Variants in OR2V1 observed in about 807,000 individuals in gnomAD.
The protein encoded by OR2V1 is olfactory receptor 2V1.
Under a neutral mutation model 15.0 loss-of-function variants are expected in OR2V1, and 18 were observed. That is an observed-to-expected ratio of 1.20 (90% CI 0.83 to 1.78). OR2V1 has a LOEUF of 1.78. OR2V1 is among the 40% of genes most tolerant of loss of function. OR2V1 has a pLI of 0.00. For synonymous variants in OR2V1, 144 were observed against 146.1 expected (o/e 0.99, Z 0.10); for missense variants, 359 against 392.9 (o/e 0.91, Z 0.73).
In OR2V1 at chr5:181,130,308, C is replaced by G; in HGVS notation, c.-120-93G>C. 7.5e-6 allele frequency: 3 copies of G among 399,126 alleles called. No individual in the cohort carries two copies. The East Asian group carries it at 1.1e-4, about 14-fold the overall frequency. 24.7% of individuals were successfully genotyped at this position (399,126 alleles called of 1,614,324 possible). On this transcript the variant is annotated intron_variant, in intron 1 of 3. Coordinates refer to ENST00000641551, the MANE Select transcript of OR2V1 (RefSeq NM_001258283.2). ...GGACAGGAGGAGCCGCAGCCCCAAC[C>G]TCCTTCCTCAGCCCGCACCGACTAC...
At chr5:181,128,846 G>T (rs1228392299) in intron 3 of OR2V1, among the ~76,000 whole-genome samples, 1 of 152,228 alleles carries the variant, frequency 6.6e-6, no homozygotes, top group Admixed American at 6.5e-5. Context: ...GTTCCCCGGT[G>T]CCACGGGTGC....
Position 181,124,096 on chromosome 5 carries a change from A to G in OR2V1, c.*261T>C, listed in dbSNP as rs767186639. 6.0e-5 allele frequency: 22 copies of G among 365,386 alleles called. No homozygotes were observed. Among genetic ancestry groups the G allele is most frequent in the Non-Finnish European group, 1.1e-4 (22 of 205,900 alleles). 22.6% of individuals were successfully genotyped at this position (365,386 alleles called of 1,614,324 possible). ...AACAATCAACAATGACAATAATAGC[A>G]GCCGTTGCTTCTTCATGGAGCTTTA... On this transcript the variant is annotated 3_prime_UTR_variant, in exon 4 of 4. Transcript: ENST00000641551.
chr5:181,127,911 C>G (rs968734981), intron 3 of OR2V1, among the ~76,000 whole-genome samples: 7 of 151,968 alleles, frequency 4.6e-5, no homozygotes, highest in African/African-American at 1.7e-4. Context: ...GTCCCACTCC[C>G]CCCTCCCCCA....
intron 2 of OR2V1, among the ~76,000 whole-genome samples, chr5:181,129,818 C>G (rs139674171): frequency 6.6e-6 from 1 of 152,316 alleles, no homozygotes; most frequent in Non-Finnish European, 1.5e-5. Flanking sequence ...CCTTCGCACT[C>G]CCCACACATC....
chr5:181,124,340 G>T lies in OR2V1; in HGVS notation c.*17C>A. On this transcript the variant is annotated 3_prime_UTR_variant, in exon 4 of 4. Coordinates refer to ENST00000641551, the MANE Select transcript of OR2V1 (RefSeq NM_001258283.2). ...ACACAGGCAAGAAGGGGCACAGCAG[G>T]CACCAGACTCTGGGGTTCAGTGCTG... is the stretch of plus-strand genomic sequence containing the variant. The T allele has an allele frequency of 6.5e-7, 1 of 1,533,356 alleles. No homozygotes were observed. The highest frequency in any genetic ancestry group is 8.8e-7 in the Non-Finnish European group (1 of 1,140,432). 95.0% of individuals were successfully genotyped at this position (1,533,356 alleles called of 1,614,324 possible).
At chr5:181,130,889 C>T (rs1319054826) in intron 1 of OR2V1, among the ~76,000 whole-genome samples, 161 bp downstream of exon 1, 2 of 152,216 alleles carry the variant, frequency 1.3e-5, no homozygotes, top group East Asian at 3.9e-4. Flanking sequence ...CATGTCACAG[C>T]TGTCCCTTGG....
rs1464831045 is a variant in OR2V1 at position 181,129,535 on chromosome 5, C to T, written c.-37G>A. ...CCAGCCTTACCACCATGTTCAGAGG[C>T]ACCAGCCACTTGTGCCTCTCAGGAC... On this transcript the variant is annotated 5_prime_UTR_variant, in exon 3 of 4. Coordinates refer to ENST00000641551, the MANE Select transcript of OR2V1 (RefSeq NM_001258283.2). 2.0e-5 allele frequency: 3 copies of T among 152,098 alleles called. No homozygotes were observed. Among genetic ancestry groups the T allele is most frequent in the Non-Finnish European group, 4.4e-5 (3 of 68,032 alleles). 9.4% of individuals were successfully genotyped at this position (152,098 alleles called of 1,614,324 possible).
chr5:181,127,247 G>A (rs1354653626), intron 3 of OR2V1, among the ~76,000 whole-genome samples: 1 of 152,212 alleles, frequency 6.6e-6, no homozygotes, highest in African/African-American at 2.4e-5. Flanking sequence ...CCCAGACATG[G>A]TGACTGAACA....
At chr5:181,126,006 G>A (rs781159960) in intron 3 of OR2V1, among the ~76,000 whole-genome samples, 4 of 152,064 alleles carry the variant, frequency 2.6e-5, no homozygotes, top group Non-Finnish European at 4.4e-5. Context: ...AGAAAAAAAA[G>A]GAAAGATCAT....
chr5:181,125,402 T>G (rs1440281902), intron 3 of OR2V1, 77 bp from the exon 4 acceptor site: 5 of 1,098,856 alleles, frequency 4.6e-6, no homozygotes, highest in Non-Finnish European at 6.5e-6. Context: ...CAACAGCGTA[T>G]GCTCTGAGAG....
At position 181,123,395 on chromosome 5, in the gene OR2V1, G is replaced by A. The variant is rs1327527058; in HGVS notation, c.*962C>T. The A allele has an allele frequency of 6.5e-6, 1 of 153,784 alleles. No individual in the cohort carries two copies. The highest frequency in any genetic ancestry group is 1.5e-5 in the Non-Finnish European group (1 of 68,790). 9.5% of individuals were successfully genotyped at this position (153,784 alleles called of 1,614,324 possible). ...GGTTTTATACATTTTAGGGAGACAT[G>A]AGACATCAATCAATGTATGTAAGAA... is the stretch of plus-strand genomic sequence containing the variant. On this transcript the variant is annotated 3_prime_UTR_variant, in exon 4 of 4. Transcript: ENST00000641551.
In OR2V1 at chr5:181,123,958, AAGAC is replaced by A. The variant is rs1383079569; in HGVS notation, c.*395_*398del. On this transcript the variant is annotated 3_prime_UTR_variant, in exon 4 of 4. Coordinates refer to ENST00000641551, the MANE Select transcript of OR2V1 (RefSeq NM_001258283.2). ...CTAGAACTTAGTAAGCATCCAATAA[AAGAC>A]AGCTATTACCAAGAAGAATTAAGAA... 5.7e-5 allele frequency: 9 copies of A among 158,014 alleles called. No homozygotes were observed. The highest frequency in any genetic ancestry group is 1.9e-4 in the African/African-American group (8 of 41,704). 9.8% of individuals were successfully genotyped at this position (158,014 alleles called of 1,614,324 possible). A position where few individuals can be genotyped will look rare whatever the true frequency, so the allele number is the denominator to read the frequency against.
At chr5:181,128,501 C>G (rs1312816663) in intron 3 of OR2V1, among the ~76,000 whole-genome samples, 2 of 152,238 alleles carry the variant, frequency 1.3e-5, no homozygotes, top group Non-Finnish European at 2.9e-5. Flanking sequence ...CACCACCACC[C>G]ACGCCTTTCC....
chr5:181,128,463 G>T (rs1762914864), intron 3 of OR2V1, among the ~76,000 whole-genome samples: 1 of 152,166 alleles, frequency 6.6e-6, no homozygotes, highest in Non-Finnish European at 1.5e-5. Flanking sequence ...TACTTCCAGA[G>T]GAAATGCAAG....
chr5:181,124,671 A>C lies in OR2V1; in HGVS notation c.634T>G (p.Phe212Val), dbSNP rs561531534. ...GCATAGGAGGCCATGATGATGGAGA[A>C]GGGAAGGAGAAGCATGAAGACACAG... ...ACCVFMLLLP[F>V]SIIMASYACI... The change falls in exon 4 of 4, where the codon TTC becomes GTC. Residue 212 changes from phenylalanine to valine, a missense_variant. Coordinates refer to ENST00000641551, the MANE Select transcript of OR2V1 (RefSeq NM_001258283.2). 3 of 1,613,352 alleles carry C rather than the reference A, an allele frequency of 1.9e-6. No homozygotes were observed. The highest frequency in any genetic ancestry group is 3.3e-5 in the Admixed American group (2 of 59,996).
chr5:181,127,323 A>G (rs139549449), intron 3 of OR2V1, among the ~76,000 whole-genome samples: 1 of 152,278 alleles, frequency 6.6e-6, no homozygotes, highest in Non-Finnish European at 1.5e-5. Context: ...CTCCTGCTTC[A>G]TTGGCCTTGG....
chr5:181,128,206 AC>A (rs34002995), intron 3 of OR2V1, among the ~76,000 whole-genome samples: 84,382 of 150,286 alleles, frequency 0.56, 23,903 homozygotes, highest in Middle Eastern at 0.76. Flanking sequence ...ACACACACAC[AC>A]ACACACACAC....
At chr5:181,128,840 C>T (rs775315381) in intron 3 of OR2V1, among the ~76,000 whole-genome samples, 1 of 152,166 alleles carries the variant, frequency 6.6e-6, no homozygotes, top group Non-Finnish European at 1.5e-5. Context: ...ACCCGTGTTC[C>T]CCGGTGCCAC....
chr5:181,124,265 C>T lies in OR2V1; in HGVS notation c.*92G>A. Reference sequence around the variant, plus strand: ...CTATAAACCATCCAATGACCATCAACAGGTGAATGGAAACAGACACTCACA... The same window carrying T: ...CTATAAACCATCCAATGACCATCAATAGGTGAATGGAAACAGACACTCACA... On this transcript the variant is annotated 3_prime_UTR_variant, in exon 4 of 4. Coordinates refer to ENST00000641551, the MANE Select transcript of OR2V1 (RefSeq NM_001258283.2). 8.3e-7 allele frequency: 1 copy of T among 1,208,434 alleles called. No homozygotes were observed. Among genetic ancestry groups the T allele is most frequent in the South Asian group, 1.9e-5 (1 of 51,770 alleles). 74.9% of individuals were successfully genotyped at this position (1,208,434 alleles called of 1,614,324 possible).
Sources: allele counts gnomAD v4.1 joint callset (sites outside exome capture counted in the v4.1 genomes callset), GRCh38; gene constraint gnomAD v4.1.1; transcripts MANE v1.5; gene names NCBI Gene and HGNC (gene_info 2026-07-23, HGNC 2026-07-21).